Variants in ANKRD30A observed in about 807,000 individuals in gnomAD.
The protein encoded by ANKRD30A is ankyrin repeat domain-containing protein 30A.
ANKRD30A carries 170 observed loss-of-function variants against 166.3 expected under a neutral mutation model. The ratio of observed to expected loss-of-function variants is 1.02; its 90% CI spans 0.90 to 1.16. ANKRD30A has a LOEUF of 1.16. ANKRD30A is among the 50% of genes most tolerant of loss of function. The pLI is 0.00. For synonymous variants in ANKRD30A, 564 were observed against 508.9 expected (o/e 1.11, Z -1.46); for missense variants, 1,630 against 1,518.0 (o/e 1.07, Z -1.23).
chr10:37,151,851 T>C (rs562126776), intron 11 of ANKRD30A, among the ~76,000 whole-genome samples: 1 of 152,128 alleles, frequency 6.6e-6, no homozygotes, highest in Non-Finnish European at 1.5e-5. Context: ...TTTTTCTGCA[T>C]TGTAATGAAA....
chr10:37,135,997 G>A (rs1342561662), intron 5 of ANKRD30A, among the ~76,000 whole-genome samples: 1 of 152,018 alleles, frequency 6.6e-6, no homozygotes. Flanking sequence ...TCCCTATGTT[G>A]CCCAGGGTTG....
chr10:37,133,448 T>C (rs988389030), intron 4 of ANKRD30A, among the ~76,000 whole-genome samples: 15 of 152,204 alleles, frequency 9.9e-5, no homozygotes, highest in Admixed American at 7.2e-4. Context: ...ACATTATGAA[T>C]GTCAACAGCA....
chr10:37,236,787 A>G (rs868571436), downstream of ANKRD30A, among the ~76,000 whole-genome samples: 1 of 152,346 alleles, frequency 6.6e-6, no homozygotes, highest in Middle Eastern at 3.4e-3. Flanking sequence ...ATAACCCAGA[A>G]CATGGATAAT....
intron 12 of ANKRD30A, 34 bp downstream of exon 12, chr10:37,152,155 G>A (rs1289491281): frequency 5.3e-6 from 8 of 1,503,832 alleles, no homozygotes; most frequent in African/African-American, 2.8e-5. Flanking sequence ...TTTAATATTA[G>A]TATTGCATGA....
At chr10:37,265,303 T>A in the ANKRD30A span, among the ~76,000 whole-genome samples, 1 of 152,128 alleles carries the variant, frequency 6.6e-6, no homozygotes, top group Non-Finnish European at 1.5e-5. Flanking sequence ...GGTCCATGCC[T>A]CCTCAATTTA....
In ANKRD30A at chr10:37,183,887, G is replaced by A. The variant is rs1259844244; in HGVS notation, c.2422-5580G>A. On this transcript the variant is annotated intron_variant, in intron 24 of 35. Transcript: ENST00000361713. ...ATGGTGACCGGGTGCGGTGGCTCAC[G>A]TCTGTAACGCCAGCACGTTGGGAGG... 1.7e-4 allele frequency among the ~76,000 whole-genome samples: 26 copies of A among 148,968 alleles called. 1 individual carries two copies. The highest frequency in any genetic ancestry group is 3.8e-4 in the Non-Finnish European group (25 of 66,644).
the ANKRD30A span, among the ~76,000 whole-genome samples, chr10:37,262,190 G>A: frequency 3.3e-5 from 5 of 152,148 alleles, no homozygotes; most frequent in Non-Finnish European, 7.3e-5. Context: ...ACCTGCAAAG[G>A]AGAACAACAC....
At chr10:37,149,249 G>A (rs1837731481) in intron 9 of ANKRD30A, among the ~76,000 whole-genome samples, 1 of 151,912 alleles carries the variant, frequency 6.6e-6, no homozygotes, top group Non-Finnish European at 1.5e-5. Flanking sequence ...ACATTCAGCT[G>A]AACTCTCATC....
chr10:37,139,700 C>T (rs971276978), intron 6 of ANKRD30A, among the ~76,000 whole-genome samples: 2 of 152,112 alleles, frequency 1.3e-5, no homozygotes, highest in African/African-American at 4.8e-5. Flanking sequence ...CCCACAATAA[C>T]CTATGAAGAA....
chr10:37,149,617 T>A (rs752047598), intron 9 of ANKRD30A, 34 bp from the exon 10 acceptor site: 2 of 1,604,930 alleles, frequency 1.2e-6, no homozygotes, highest in East Asian at 4.5e-5. Context: ...TCATACTTAC[T>A]TATGATTGAT....
intron 31 of ANKRD30A, among the ~76,000 whole-genome samples, chr10:37,214,779 A>G (rs1372677544): frequency 1.3e-5 from 2 of 150,926 alleles, no homozygotes; most frequent in Non-Finnish European, 3.0e-5. Context: ...ACAATTGTGT[A>G]TTTTCATTTC....
At chr10:37,252,563 G>T in the ANKRD30A span, among the ~76,000 whole-genome samples, 2 of 152,064 alleles carry the variant, frequency 1.3e-5, no homozygotes, top group African/African-American at 4.8e-5. Context: ...TTAGGTGTCA[G>T]TTTTTCAAAT....
intron 1 of ANKRD30A, 57 bp downstream of exon 1, chr10:37,126,065 C>A: frequency 6.4e-7 from 1 of 1,569,906 alleles, no homozygotes; most frequent in Non-Finnish European, 8.8e-7. Flanking sequence ...GTGGGAGGAT[C>A]GCCCCTTCAG....
chr10:37,149,769 C>A lies in ANKRD30A; in HGVS notation c.1573-8C>A, dbSNP rs951430659. The A allele has an allele frequency of 2.5e-6, 4 of 1,612,852 alleles. No homozygotes were observed. Among genetic ancestry groups the A allele is most frequent in the Non-Finnish European group, 2.5e-6 (3 of 1,179,152 alleles). The stretch of plus-strand genomic sequence containing the variant: ...TTTATTAATCATTTTGCTTCCAACC[C>A]CATTTAGCCTGCCATTGAAATGCAA... On this transcript the variant is annotated splice_region_variant and splice_polypyrimidine_tract_variant and intron_variant, in intron 10 of 35. Coordinates refer to ENST00000361713, the MANE Select transcript of ANKRD30A (RefSeq NM_052997.3).
At chr10:37,247,274 G>A in the ANKRD30A span, among the ~76,000 whole-genome samples, 1 of 152,098 alleles carries the variant, frequency 6.6e-6, no homozygotes, top group Non-Finnish European at 1.5e-5. Context: ...TATCATCCTG[G>A]CTCAGGTAAC....
the ANKRD30A span, among the ~76,000 whole-genome samples, chr10:37,242,796 T>C: frequency 6.6e-6 from 1 of 152,190 alleles, no homozygotes; most frequent in Non-Finnish European, 1.5e-5. Flanking sequence ...TGGCATCACA[T>C]GGTGTTTTGA....
At chr10:37,153,953 AAGAC>A (rs1358645232) in intron 13 of ANKRD30A, among the ~76,000 whole-genome samples, 1 of 152,190 alleles carries the variant, frequency 6.6e-6, no homozygotes, top group African/African-American at 2.4e-5. Context: ...AAGACTGAGA[AAGAC>A]AGAACGTACA....
At chr10:37,192,786 A>G (rs2132661265) in intron 25 of ANKRD30A, among the ~76,000 whole-genome samples, 1 of 152,188 alleles carries the variant, frequency 6.6e-6, no homozygotes, top group Non-Finnish European at 1.5e-5. Context: ...TACTGATAGT[A>G]GGATATTTCT....
chr10:37,191,469 TG>T (rs991933970), intron 25 of ANKRD30A, among the ~76,000 whole-genome samples: 34 of 151,976 alleles, frequency 2.2e-4, no homozygotes, highest in African/African-American at 7.7e-4. Context: ...TATTATAATG[TG>T]TTGCCTTAAA....
Sources: gnomAD v4.1 joint callset for allele counts (sites outside exome capture counted in the v4.1 genomes callset) on GRCh38, gnomAD v4.1.1 for gene constraint, MANE v1.5 for transcripts, NCBI Gene and HGNC (gene_info 2026-07-23, HGNC 2026-07-21) for gene names.